The following ULK1 variants were observed in gnomAD, a reference collection of about 807,000 sequenced individuals.
ULK1 encodes serine/threonine-protein kinase ULK1.
ULK1 carries 48 observed loss-of-function variants against 117.5 expected under a neutral mutation model. That is an observed-to-expected ratio of 0.41 (90% CI 0.32 to 0.52). ULK1 has a LOEUF of 0.52. Ranked by LOEUF, ULK1 falls within the 20% of genes least tolerant of loss-of-function variation. The pLI, the probability that ULK1 is intolerant of heterozygous loss-of-function variation, is 0.29. For synonymous variants in ULK1, 790 were observed against 637.8 expected, an observed-to-expected ratio of 1.24 and a Z score of -3.60; for missense variants, 1,387 against 1,473.4, an observed-to-expected ratio of 0.94 and a Z score of 0.96.
chr12:131,920,904 T>C, intron 26 of ULK1, 196 bp from the exon 27 acceptor site: 1 of 742,800 alleles, frequency 1.3e-6, no homozygotes, highest in South Asian at 2.1e-5. Context: ...CAGGGTCATC[T>C]GGTTCCAGGC....
At position 131,914,386 on chromosome 12, in the gene ULK1, G is replaced by GCCTCTGTCC. The variant is rs1178754351; in HGVS notation, c.1285_1293dup (p.Ser429_Pro431dup). On this transcript the variant is annotated inframe_insertion, in exon 16 of 28. Transcript: ENST00000321867. ...CCCGTTCTCCAGCAGCAGGTGCGGC[G>GCCTCTGTCC]CCTCTGTCCCCATCCCAGTCCCCAC... 1.2e-6 allele frequency: 2 copies of GCCTCTGTCC among 1,612,250 alleles called. No homozygotes were observed. The highest frequency in any genetic ancestry group is 3.3e-5 in the Admixed American group (2 of 59,994).
rs538037772 is a variant in ULK1 at position 131,902,950 on chromosome 12, G to T, written c.247-3942G>T. 2.4e-4 allele frequency among the ~76,000 whole-genome samples: 36 copies of T among 152,226 alleles called. No homozygotes were observed. The highest frequency in any genetic ancestry group is 8.2e-4 in the African/African-American group (34 of 41,532). ...TAGCTTGTGAAAACCAAATGTAGCT[G>T]CGAGGCAGACGTGGAGCCCGATGCC... On this transcript the variant is annotated intron_variant, in intron 3 of 27. Transcript: ENST00000321867. This position sits in a 1 kb window ranked among gnomAD's most constrained non-coding sequence, Gnocchi z 6.3.
chr12:131,916,025 T>G lies in ULK1; in HGVS notation c.1744T>G (p.Phe582Val), dbSNP rs764385121. 2 of 1,610,422 alleles carry G rather than the reference T, an allele frequency of 1.2e-6. No homozygotes were observed. The highest frequency in any genetic ancestry group is 3.3e-5 in the Admixed American group (2 of 59,864). Residue 582 changes from phenylalanine (F) to valine (V), a missense_variant, in exon 19 of 28, where the codon TTC becomes GTC. Physicochemically the swap from Phe to Val is conservative, Grantham distance 50. Coordinates refer to ENST00000321867, the MANE Select transcript of ULK1 (RefSeq NM_003565.4). ...CCCCACGGACCCCCTGGGAGCTGTG[T>G]TCAGCCCACCACAGGCCAGCCCTCC... ...KPPTDPLGAVFSPPQASPPQP... is the reference protein window; with the variant it reads ...KPPTDPLGAVVSPPQASPPQP...
intron 22 of ULK1, 87 bp downstream of exon 22, chr12:131,917,641 T>C: frequency 8.0e-7 from 1 of 1,251,714 alleles, no homozygotes; most frequent in Non-Finnish European, 1.0e-6. Context: ...CTCGGGTCAC[T>C]GGACTACAGC....
intron 3 of ULK1, among the ~76,000 whole-genome samples, chr12:131,905,340 G>A (rs905232969): frequency 1.3e-5 from 2 of 151,970 alleles, no homozygotes; most frequent in African/African-American, 4.8e-5. Context: ...CCCACCAGGG[G>A]TGCCTTCTGA....
intron 20 of ULK1, 101 bp downstream of exon 20, chr12:131,916,692 C>T (rs1421010793): frequency 6.6e-6 from 9 of 1,365,068 alleles, no homozygotes; most frequent in Non-Finnish European, 8.7e-6. Context: ...AGGAAAAGCC[C>T]AGCCTTGCCC....
At chr12:131,905,402 G>A (rs979082026) in intron 3 of ULK1, among the ~76,000 whole-genome samples, 1 of 152,122 alleles carries the variant, frequency 6.6e-6, no homozygotes, top group Non-Finnish European at 1.5e-5. Flanking sequence ...TGTGTGGGAC[G>A]CGGCTCCTGA....
chr12:131,895,427 C>T (rs1373192881), intron 1 of ULK1, among the ~76,000 whole-genome samples, 174 bp from the exon 2 acceptor site: 1 of 151,922 alleles, frequency 6.6e-6, no homozygotes, highest in Non-Finnish European at 1.5e-5. Context: ...GCTTTCGAGG[C>T]TGGATCCCTA....
intron 5 of ULK1, 163 bp from the exon 6 acceptor site, chr12:131,908,481 G>A: frequency 1.3e-6 from 1 of 798,680 alleles, no homozygotes; most frequent in Non-Finnish European, 1.8e-6. Flanking sequence ...CCTGGTCTCG[G>A]CGGCCCGTGG....
rs1273050513 is a variant in ULK1, at chr12:131,920,884, G to C, written c.2962-216G>C. 4 of 631,210 alleles carry C rather than the reference G, an allele frequency of 6.3e-6. No homozygotes were observed. In the East Asian group the frequency reaches 1.1e-4, roughly 18 times the overall value. 39.1% of individuals were successfully genotyped at this position (631,210 alleles called of 1,614,324 possible). On this transcript the variant is annotated intron_variant, in intron 26 of 27. Coordinates refer to ENST00000321867, the MANE Select transcript of ULK1 (RefSeq NM_003565.4). Reference sequence around the variant, plus strand: ...CTCTGTTGTCCTGGGGCCGGGCTGAGAGCGCTGGCCAGGGTCATCTGGTTC... The same window carrying C: ...CTCTGTTGTCCTGGGGCCGGGCTGACAGCGCTGGCCAGGGTCATCTGGTTC...
intron 21 of ULK1, 66 bp downstream of exon 21, chr12:131,917,128 AGGCTGTGGGATG>A (rs1889849416): frequency 1.1e-6 from 1 of 874,230 alleles, no homozygotes; most frequent in Non-Finnish European, 1.4e-6. Flanking sequence ...TGGGGGTCGG[AGGCTGTGGGATG>A]GGGGTCGGAG....
In ULK1 at chr12:131,919,316, G is replaced by A. The variant is rs1472258098; in HGVS notation, c.2616G>A (p.Gly872=). 1.9e-6 allele frequency: 3 copies of A among 1,589,610 alleles called. No homozygotes were observed. The highest frequency in any genetic ancestry group is 2.6e-6 in the Non-Finnish European group (3 of 1,170,540). Residue 872 remains glycine, a synonymous_variant, in exon 24 of 28, where the codon GGG becomes GGA. Coordinates refer to ENST00000321867, the MANE Select transcript of ULK1 (RefSeq NM_003565.4). ...AGGGCAGCGCCAGTGAGGCGGCGGG[G>A]GGCCCTGAGTACCAGCTGCAGGAGA... ...ALKGSASEAA[G]GPEYQLQESV...
Position 131,921,444 on chromosome 12 carries a change from C to G in ULK1, c.*83C>G. 9.5e-6 allele frequency: 15 copies of G among 1,579,914 alleles called. No homozygotes were observed. The South Asian group carries it at 1.7e-4, about 17-fold the overall frequency. On this transcript the variant is annotated 3_prime_UTR_variant, in exon 28 of 28. Transcript: ENST00000321867. ...TGCTGGCTGGACTCCTCGGGACAAG[C>G]CCATGGCGCTGATCGCTGGTGCTGA...
intron 3 of ULK1, among the ~76,000 whole-genome samples, chr12:131,904,981 G>A (rs1238344147): frequency 6.6e-6 from 1 of 152,134 alleles, no homozygotes; most frequent in Non-Finnish European, 1.5e-5. Context: ...TGGGAGCCCT[G>A]GGCTCCCCAC....
At chr12:131,909,490 C>T (rs1475233805) in intron 8 of ULK1, among the ~76,000 whole-genome samples, 1 of 152,130 alleles carries the variant, frequency 6.6e-6, no homozygotes. Flanking sequence ...GTCTAGTCGC[C>T]TGTCTGGTCG....
At position 131,919,393 on chromosome 12, in the gene ULK1, C is replaced by A. The variant is rs746147934; in HGVS notation, c.2684+9C>A. The A allele has an allele frequency of 7.3e-6, 11 of 1,513,586 alleles. No homozygotes were observed. The highest frequency in any genetic ancestry group is 1.4e-5 in the African/African-American group (1 of 72,374). The allele number at this position is 1,513,586 out of a possible 1,614,324, so 93.8% of individuals were successfully genotyped here. ...CTGAGCCGAGAATGGGGGTGGGTGC[C>A]GCCAGGGCTGGGGTGGGGCGGGTGG... On this transcript the variant is annotated intron_variant, in intron 24 of 27. Transcript: ENST00000321867.
At chr12:131,917,904 G>A (rs1360338000) in intron 22 of ULK1, among the ~76,000 whole-genome samples, 5 of 152,238 alleles carry the variant, frequency 3.3e-5, no homozygotes, top group Admixed American at 3.3e-4. Flanking sequence ...TTGCCCTGAT[G>A]AGCACAGGCC....
In ULK1 at chr12:131,909,252, C is replaced by T. The variant is rs773099095; in HGVS notation, c.666+15C>T. ...CGCCCTTCCAGGTAACTGGGCTTGG[C>T]CCTGCTCCCCACGCCGCACCGTCAG... On this transcript the variant is annotated intron_variant, in intron 8 of 27. Coordinates refer to ENST00000321867, the MANE Select transcript of ULK1 (RefSeq NM_003565.4). The T allele has an allele frequency of 1.3e-6, 2 of 1,566,672 alleles. No individual in the cohort carries two copies. Among genetic ancestry groups the T allele is most frequent in the East Asian group, 2.4e-5 (1 of 41,814 alleles).
chr12:131,913,915 C>T (rs1566122980), intron 15 of ULK1, 79 bp downstream of exon 15: 1 of 1,229,586 alleles, frequency 8.1e-7, no homozygotes, highest in Non-Finnish European at 1.1e-6. Context: ...TGTGTCGCAG[C>T]CAGCCCAGGC....
Sources: gnomAD v4.1 joint callset for allele counts (sites outside exome capture counted in the v4.1 genomes callset) on GRCh38, gnomAD v4.1.1 for gene constraint, Gnocchi (gnomAD v3.1) non-coding constraint, MANE v1.5 for transcripts, NCBI Gene and HGNC (gene_info 2026-07-23, HGNC 2026-07-21) for gene names.